CNTN5: variants seen among roughly 807,000 people sequenced by gnomAD.
CNTN5 encodes the protein contactin 5.
In CNTN5, 77 loss-of-function variants were observed where a neutral mutation model predicts 129.1. The observed-to-expected ratio is 0.60, with a 90% confidence interval of 0.50 to 0.72. The LOEUF (loss-of-function observed/expected upper bound fraction) is 0.72. Among genes scored for constraint, CNTN5 ranks in the 30% least tolerant of loss-of-function variants. The probability of loss-of-function intolerance (pLI) is 0.00; values close to 1 mark genes in which losing one functional copy is unlikely to be tolerated. For synonymous variants in CNTN5, 509 were observed against 465.6 expected, an observed-to-expected ratio of 1.09 and a Z score of -1.20; for missense variants, 1,478 against 1,328.8, an observed-to-expected ratio of 1.11 and a Z score of -1.75.
chr11:100,314,797 G>C (rs913463194), intron 21 of CNTN5, among the ~76,000 whole-genome samples: 4 of 152,124 alleles, frequency 2.6e-5, no homozygotes, highest in African/African-American at 9.7e-5. Context: ...TCTGACTGCA[G>C]GTTCTCCTGA....
chr11:100,323,082 T>A (rs933395455), intron 21 of CNTN5, among the ~76,000 whole-genome samples: 1 of 152,234 alleles, frequency 6.6e-6, no homozygotes. Context: ...CTCTGCTTCC[T>A]GAGAACATGC....
At chr11:100,003,908 A>T (rs186068101) in intron 9 of CNTN5, 34 of 152,214 alleles carry the variant, frequency 2.2e-4, no homozygotes, top group African/African-American at 7.7e-4. Flanking sequence ...AAAAAGAAAC[A>T]TCTTATGAAG....
Position 99,539,935 on chromosome 11 carries a change from A to C in CNTN5, c.-70-16210A>C, listed in dbSNP as rs572411695. On this transcript the variant is annotated intron_variant, in intron 2 of 24. Coordinates refer to ENST00000524871, the MANE Select transcript of CNTN5 (RefSeq NM_014361.4). ...TACTCATTTTTGTCATGTATTTTAA[A>C]TCTTAGGTGCTTTCTTCTTTTGTGA... 1.7e-3 allele frequency among the ~76,000 whole-genome samples: 265 copies of C among 152,250 alleles called. 1 individual carries two copies. Among genetic ancestry groups the C allele is most frequent in the Non-Finnish European group, 3.0e-3 (201 of 68,008 alleles).
In CNTN5 at chr11:99,635,675, C is replaced by T. The variant is rs528859144; in HGVS notation, c.55+79406C>T. The stretch of plus-strand genomic sequence containing the variant: ...TCAGCTATGTGTATAGGTGTGAAAA[C>T]AAAGAGGAGAGGGAGAAATGTCCTT... On this transcript the variant is annotated intron_variant, in intron 3 of 24. Transcript: ENST00000524871. Among the ~76,000 whole-genome samples the T allele has an allele frequency of 3.4e-4, 52 of 151,990 alleles. 1 individual carries two copies. Among genetic ancestry groups the T allele is most frequent in the Middle Eastern group, 3.4e-3 (1 of 292 alleles).
At chr11:100,337,744 G>T (rs546503319) in intron 21 of CNTN5, 10 of 409,920 alleles carry the variant, frequency 2.4e-5, no homozygotes, top group African/African-American at 1.6e-4. Flanking sequence ...ATCTATAAAA[G>T]GTCTCCACCG....
At chr11:99,143,198 A>G (rs1434837968) in intron 1 of CNTN5, among the ~76,000 whole-genome samples, 1 of 151,754 alleles carries the variant, frequency 6.6e-6, no homozygotes. Context: ...AAAGAAACAG[A>G]GCTATACAGC....
At chr11:100,142,227 G>T (rs779327065) in intron 13 of CNTN5, among the ~76,000 whole-genome samples, 9 of 152,114 alleles carry the variant, frequency 5.9e-5, no homozygotes, top group Non-Finnish European at 7.4e-5. Context: ...TCACCAGCTT[G>T]CAGATGGCCT....
intron 4 of CNTN5, among the ~76,000 whole-genome samples, chr11:99,844,264 ATTAAG>A (rs1412639745): frequency 6.6e-6 from 1 of 152,110 alleles, no homozygotes; most frequent in African/African-American, 2.4e-5. Flanking sequence ...TGCCATTTTA[ATTAAG>A]TTGTCTTTTT....
intron 2 of CNTN5, among the ~76,000 whole-genome samples, chr11:99,346,632 A>G (rs904852255): frequency 3.3e-5 from 5 of 152,204 alleles, no homozygotes; most frequent in Admixed American, 1.3e-4. Context: ...GCTGATATGG[A>G]CTGAATGTTT....
At chr11:100,186,305 G>A (rs1411657697) in intron 13 of CNTN5, among the ~76,000 whole-genome samples, 1 of 152,130 alleles carries the variant, frequency 6.6e-6, no homozygotes, top group Non-Finnish European at 1.5e-5. Flanking sequence ...ATCCCAGAAG[G>A]TTGAGGCTGC....
intron 1 of CNTN5, among the ~76,000 whole-genome samples, chr11:99,135,135 A>C (rs1051421678): frequency 6.6e-6 from 1 of 152,224 alleles, no homozygotes; most frequent in Non-Finnish European, 1.5e-5. Flanking sequence ...TTATGCATCA[A>C]ATGTTGGCTA....
chr11:100,096,149 ACAAGAAACC>A lies in CNTN5; in HGVS notation c.1580+21858_1580+21866del, dbSNP rs377219292. Among the ~76,000 whole-genome samples, 1,138 of 152,156 alleles carry A rather than the reference ACAAGAAACC, an allele frequency of 7.5e-3. 20 individuals are homozygous for A. Among genetic ancestry groups the A allele is most frequent in the African/African-American group, 0.026 (1,088 of 41,534 alleles). ...AATTGAAATTCCTAGTAATTTTTGA[ACAAGAAACC>A]CATGTTTTTATTTTTCACTGGGCCC... On this transcript the variant is annotated intron_variant, in intron 13 of 24. Coordinates refer to ENST00000524871, the MANE Select transcript of CNTN5 (RefSeq NM_014361.4).
At position 99,505,695 on chromosome 11, in the gene CNTN5, C is replaced by G. The variant is rs528628959; in HGVS notation, c.-70-50450C>G. Among the ~76,000 whole-genome samples the G allele has an allele frequency of 3.3e-5, 5 of 152,300 alleles. No homozygotes were observed. The South Asian group carries it at 1.0e-3, about 32-fold the overall frequency. ...ACAATTATATCTCCTCCCCCAATCC[C>G]TATGTAACAGATTTTCCACATTGAA... is the stretch of plus-strand genomic sequence containing the variant. On this transcript the variant is annotated intron_variant, in intron 2 of 24. Transcript: ENST00000524871.
chr11:99,291,921 T>C (rs772778852), intron 1 of CNTN5, among the ~76,000 whole-genome samples: 1 of 152,136 alleles, frequency 6.6e-6, no homozygotes, highest in East Asian at 1.9e-4. Context: ...TACTTAAAAT[T>C]TGAATCATGC....
rs764709597 is a variant in CNTN5, at chr11:99,515,263, A to G, written c.-70-40882A>G. 3.2e-4 allele frequency among the ~76,000 whole-genome samples: 48 copies of G among 152,080 alleles called. 1 individual carries two copies. The highest frequency in any genetic ancestry group is 7.4e-5 in the Non-Finnish European group (5 of 67,950). ...AGCAAAAAAATTAACAACTGTCACA[A>G]TTCTTGTAGTGTAGATAATTTTTGA... On this transcript the variant is annotated intron_variant, in intron 2 of 24. Transcript: ENST00000524871.
chr11:99,101,954 T>C (rs1866756255), intron 1 of CNTN5, among the ~76,000 whole-genome samples: 1 of 152,216 alleles, frequency 6.6e-6, no homozygotes, highest in Admixed American at 6.5e-5. Flanking sequence ...CATGAGGGCC[T>C]CACCCCTGCC....
chr11:99,440,750 T>A (rs1451882378), intron 2 of CNTN5, among the ~76,000 whole-genome samples: 1 of 152,154 alleles, frequency 6.6e-6, no homozygotes, highest in Non-Finnish European at 1.5e-5. Context: ...GGAAGCATTA[T>A]GAAGGAGCAA....
intron 2 of CNTN5, among the ~76,000 whole-genome samples, chr11:99,502,227 G>T (rs1946450528): frequency 6.6e-6 from 1 of 152,156 alleles, no homozygotes; most frequent in Non-Finnish European, 1.5e-5. Context: ...AGGTAGCAGG[G>T]TTCATTTTAC....
intron 3 of CNTN5, among the ~76,000 whole-genome samples, chr11:99,763,076 T>G (rs909586134): frequency 2.0e-5 from 3 of 152,162 alleles, no homozygotes; most frequent in African/African-American, 7.2e-5. Context: ...TCCATCTCTC[T>G]GTATCAAAAC....
Sources: allele counts gnomAD v4.1 joint callset (sites outside exome capture counted in the v4.1 genomes callset), GRCh38; gene constraint gnomAD v4.1.1; transcripts MANE v1.5; gene names NCBI Gene and HGNC (gene_info 2026-07-23, HGNC 2026-07-21).